The following CTNNB1 variants were observed in gnomAD, a reference collection of about 807,000 sequenced individuals.
CTNNB1 encodes catenin beta-1.
CTNNB1 carries 6 observed loss-of-function variants against 82.5 expected under a neutral mutation model. The observed-to-expected ratio is 0.07, with a 90% CI of 0.04 to 0.14. The LOEUF (loss-of-function observed/expected upper bound fraction) is 0.14. CTNNB1 is among the 10% of genes least tolerant of loss of function. The pLI is 1.00. For synonymous variants in CTNNB1, 312 were observed against 329.7 expected (o/e 0.95, Z 0.58); for missense variants, 529 against 980.4 (o/e 0.54, Z 6.15).
chr3:41,234,162 T>C lies in CTNNB1; in HGVS notation c.1548T>C (p.Asn516=). 6.2e-7 allele frequency: 1 copy of C among 1,614,218 alleles called. No homozygotes were observed. Among genetic ancestry groups the C allele is most frequent in the South Asian group, 1.1e-5 (1 of 91,080 alleles). The change falls in exon 10 of 15, where the codon AAT becomes AAC. Residue 516 remains asparagine, a synonymous_variant. Coordinates refer to ENST00000349496, the MANE Select transcript of CTNNB1 (RefSeq NM_001904.4). The part of the protein sequence containing the change: ...LIKATVGLIR[N]LALCPANHAP... ...AGGCTACTGTTGGATTGATTCGAAA[T>C]CTTGCCCTTTGTCCCGCAAATCATG...
intron 1 of CTNNB1, among the ~76,000 whole-genome samples, chr3:41,200,541 G>T (rs1453971775): frequency 1.3e-5 from 2 of 152,146 alleles, no homozygotes; most frequent in Non-Finnish European, 1.5e-5. Context: ...AGACCGCTTC[G>T]AGAATTTTGT....
intron 1 of CTNNB1, 188 bp downstream of exon 1, chr3:41,199,858 G>C (rs1272319391): frequency 2.0e-5 from 3 of 151,342 alleles, no homozygotes; most frequent in Non-Finnish European, 4.4e-5. Context: ...GGCGGCGGCC[G>C]GGCCCGGGTT....
chr3:41,203,124 C>CA (rs900789650), intron 1 of CTNNB1, among the ~76,000 whole-genome samples: 1 of 150,212 alleles, frequency 6.7e-6, no homozygotes, highest in Non-Finnish European at 1.5e-5. Flanking sequence ...CCTGAAGCAG[C>CA]AGAGTGAGTA....
intron 1 of CTNNB1, among the ~76,000 whole-genome samples, chr3:41,202,273 T>C (rs964828845): frequency 6.6e-6 from 1 of 152,190 alleles, no homozygotes; most frequent in African/African-American, 2.4e-5. Flanking sequence ...TAATTGTAGA[T>C]GAGTAGGTGG....
At chr3:41,231,588 G>A (rs1251135977) in intron 7 of CTNNB1, among the ~76,000 whole-genome samples, 5 of 152,134 alleles carry the variant, frequency 3.3e-5, no homozygotes. Context: ...AATTCTAAAC[G>A]GTTCCTCAGG....
At chr3:41,213,638 G>A (rs1188454573) in intron 1 of CTNNB1, among the ~76,000 whole-genome samples, 1 of 152,024 alleles carries the variant, frequency 6.6e-6, no homozygotes. Flanking sequence ...AAGGAGTTGT[G>A]GAAAAGATTT....
chr3:41,237,930 A>G, intron 13 of CTNNB1, 86 bp from the exon 14 acceptor site: 1 of 1,117,722 alleles, frequency 8.9e-7, no homozygotes, highest in Non-Finnish European at 1.4e-6. Context: ...TTGTAATCTG[A>G]AAGTATGCTT....
intron 7 of CTNNB1, among the ~76,000 whole-genome samples, chr3:41,231,086 G>C (rs775028452): frequency 1.3e-5 from 2 of 152,158 alleles, no homozygotes; most frequent in African/African-American, 4.8e-5. Context: ...CCAGCACTTT[G>C]GGAGGCTGAG....
intron 13 of CTNNB1, chr3:41,237,732 T>A: frequency 3.5e-6 from 1 of 282,408 alleles, no homozygotes; most frequent in Non-Finnish European, 6.7e-6. Context: ...CTGCTATATC[T>A]CTAGCATGTA....
chr3:41,222,756 A>G (rs1458957085), intron 1 of CTNNB1, among the ~76,000 whole-genome samples: 1 of 152,218 alleles, frequency 6.6e-6, no homozygotes, highest in Admixed American at 6.5e-5. Flanking sequence ...AAATAGCTAT[A>G]TAGCCTATAG....
chr3:41,220,689 T>A (rs1164387381), intron 1 of CTNNB1: 2 of 152,204 alleles, frequency 1.3e-5, no homozygotes, highest in Admixed American at 6.5e-5. Flanking sequence ...AGAGTAGCAC[T>A]TTCTAACTTT....
Position 41,224,695 on chromosome 3 carries a change from A to T in CTNNB1, c.183A>T (p.Gln61His), listed in dbSNP as rs2125617997. 1 of 1,613,998 alleles carries T rather than the reference A, an allele frequency of 6.2e-7. No individual in the cohort carries two copies. The highest frequency in any genetic ancestry group is 8.5e-7 in the Non-Finnish European group (1 of 1,179,964). The change falls in exon 3 of 15, where the codon CAA becomes CAT. Residue 61 changes from glutamine to histidine, a missense_variant. Transcript: ENST00000349496. ...NPEEEDVDTS[Q>H]VLYEWEQGFS... ...AGGAAGAGGATGTGGATACCTCCCAAGTCCTGTATGAGTGGGAACAGGGAT... is the reference window on the plus strand; with the variant it reads ...AGGAAGAGGATGTGGATACCTCCCATGTCCTGTATGAGTGGGAACAGGGAT...
rs2078525578 is a variant in CTNNB1, at chr3:41,239,590, C to T, written c.*248C>T. On this transcript the variant is annotated 3_prime_UTR_variant, in exon 15 of 15. Transcript: ENST00000349496. ...TTAATGTTTTTTGCCACAGCTTTTG[C>T]AACTTAATACTCAAATGAGTAACAT... 3.5e-5 allele frequency: 19 copies of T among 543,934 alleles called. No homozygotes were observed. The South Asian group carries it at 3.7e-4, about 11-fold the overall frequency. The allele number at this position is 543,934 out of a possible 1,614,324, so 33.7% of individuals were successfully genotyped here.
chr3:41,227,271 G>A lies in CTNNB1; in HGVS notation c.1000G>A (p.Glu334Lys), dbSNP rs1245266458. The change falls in exon 7 of 15, where the codon GAA becomes AAA. Residue 334 changes from glutamate to lysine, a missense_variant. Around this residue, in one of 4 missense-constraint regions of CTNNB1, gnomAD observed 411 missense variants for 776.4 expected, o/e 0.53. Transcript: ENST00000349496. ...LVNIMRTYTYEKLLWTTSRVL... is the reference protein window; with the variant it reads ...LVNIMRTYTYKKLLWTTSRVL... ...AAATATAATGAGGACCTATACTTACGAAAAACTACTGTGGACCACAAGCAG... is the reference window on the plus strand; with the variant it reads ...AAATATAATGAGGACCTATACTTACAAAAAACTACTGTGGACCACAAGCAG... 1 of 1,613,618 alleles carries A rather than the reference G, an allele frequency of 6.2e-7. No individual in the cohort carries two copies. The highest frequency in any genetic ancestry group is 8.5e-7 in the Non-Finnish European group (1 of 1,179,746).
chr3:41,219,224 T>G (rs1028429847), intron 1 of CTNNB1, among the ~76,000 whole-genome samples: 1 of 152,224 alleles, frequency 6.6e-6, no homozygotes, highest in African/African-American at 2.4e-5. Flanking sequence ...AGTGAAAGAT[T>G]GTTTAAAAAC....
intron 10 of CTNNB1, 93 bp downstream of exon 10, chr3:41,234,390 C>A: frequency 7.9e-7 from 1 of 1,265,116 alleles, no homozygotes. Flanking sequence ...TTGGTTCCCC[C>A]CATCCGTCTT....
rs776128570 is a variant in CTNNB1, at chr3:41,236,726, A to T, written c.2076+17A>T. On this transcript the variant is annotated intron_variant, in intron 13 of 14. Transcript: ENST00000349496. ...TGGAATGAGGTAGGGAAATGTGAGC[A>T]GTTATTTATCTGGTAGTTTCCTAGA... The T allele has an allele frequency of 4.3e-6, 7 of 1,614,116 alleles. No individual in the cohort carries two copies. The highest frequency in any genetic ancestry group is 5.9e-6 in the Non-Finnish European group (7 of 1,179,990).
chr3:41,237,391 TG>T (rs1186425464), intron 13 of CTNNB1: 2 of 139,644 alleles, frequency 1.4e-5, no homozygotes, highest in African/African-American at 5.4e-5. Flanking sequence ...GCAGGAGGAT[TG>T]CTTGAACCCA....
intron 1 of CTNNB1, among the ~76,000 whole-genome samples, chr3:41,212,910 C>T (rs1368977820): frequency 6.6e-6 from 1 of 152,176 alleles, no homozygotes; most frequent in Non-Finnish European, 1.5e-5. Flanking sequence ...ACTACTTGTC[C>T]CTAGTGCCAC....
Sources: gnomAD v4.1 joint callset for allele counts (sites outside exome capture counted in the v4.1 genomes callset) on GRCh38, gnomAD v4.1.1 for gene constraint, gnomAD v4.1.1 regional missense constraint, MANE v1.5 for transcripts, NCBI Gene and HGNC (gene_info 2026-07-23, HGNC 2026-07-21) for gene names.